The following NPRL3 variants were observed in gnomAD, a reference collection of about 807,000 sequenced individuals.
NPRL3 encodes the protein NPR3 like, GATOR1 complex subunit, also known as GATOR1 complex protein NPRL3.
NPRL3 carries 23 observed loss-of-function variants against 57.2 expected under a neutral mutation model. That is an observed-to-expected ratio of 0.40 (90% CI 0.29 to 0.57). NPRL3 has a LOEUF of 0.57. NPRL3 is among the 20% of genes least tolerant of loss of function. The pLI is 0.42. For synonymous variants in NPRL3, 333 were observed against 321.1 expected, an observed-to-expected ratio of 1.04 and a Z score of -0.39; for missense variants, 691 against 767.1, an observed-to-expected ratio of 0.90 and a Z score of 1.17.
intron 12 of NPRL3, 92 bp downstream of exon 12, chr16:89,605 GCTGTGTGGAGGCCCCT>G: frequency 9.5e-7 from 1 of 1,054,632 alleles, no homozygotes; most frequent in East Asian, 3.0e-5. Context: ...TGCGTGTGCA[GCTGTGTGGAGGCCCCT>G]CATCACTCAC....
rs575547566 is a variant in NPRL3 at position 86,029 on chromosome 16, C to T, written c.*676G>A. Reference sequence around the variant, plus strand: ...GGGTCCTGCACAGTGGGCCATGCCTCCACCAGCAAGATGTGCACAGGTGAC... The same window carrying T: ...GGGTCCTGCACAGTGGGCCATGCCTTCACCAGCAAGATGTGCACAGGTGAC... On this transcript the variant is annotated 3_prime_UTR_variant, in exon 14 of 14. Coordinates refer to ENST00000611875, the MANE Select transcript of NPRL3 (RefSeq NM_001077350.3). 3.4e-4 allele frequency: 131 copies of T among 386,778 alleles called. No individual in the cohort carries two copies. The highest frequency in any genetic ancestry group is 5.2e-4 in the Non-Finnish European group (116 of 221,532). 24.0% of individuals were successfully genotyped at this position (386,778 alleles called of 1,614,324 possible).
chr16:101,394 TCAC>T (rs1389759144), intron 7 of NPRL3, among the ~76,000 whole-genome samples: 2 of 152,152 alleles, frequency 1.3e-5, no homozygotes, highest in Non-Finnish European at 2.9e-5. Context: ...TACCAAGTGG[TCAC>T]CACAAGCCAG....
At chr16:123,515 C>A (rs1409293647) in intron 3 of NPRL3, 3 of 471,020 alleles carry the variant, frequency 6.4e-6, no homozygotes, top group Non-Finnish European at 1.3e-5. Flanking sequence ...ACCCTGCAAC[C>A]AATTGCTCAT....
At position 102,953 on chromosome 16, in the gene NPRL3, G is replaced by A. The variant is rs553975910; in HGVS notation, c.630-2444C>T. 7.9e-5 allele frequency among the ~76,000 whole-genome samples: 12 copies of A among 152,178 alleles called. No individual in the cohort carries two copies. The South Asian group carries it at 1.2e-3, about 16-fold the overall frequency. On this transcript the variant is annotated intron_variant, in intron 7 of 13. Transcript: ENST00000611875. ...TCAAACCCTGAGAAATGTCCCAGCCGCTAAGGAATTAAAGATCACACCAGG... is the reference window on the plus strand; with the variant it reads ...TCAAACCCTGAGAAATGTCCCAGCCACTAAGGAATTAAAGATCACACCAGG...
In NPRL3 at chr16:138,222, C is replaced by A; in HGVS notation, c.46G>T (p.Gly16Trp). Reference sequence around the variant, plus strand: ...AACAGCAGCTTATTGCCCCTGCTCCCCGAGCTCACCAGAATCACGCTGATG... The same window carrying A: ...AACAGCAGCTTATTGCCCCTGCTCCACGAGCTCACCAGAATCACGCTGATG... Reference protein sequence around the residue: ...SPISVILVSSGSRGNKLLFRY... With the variant: ...SPISVILVSSWSRGNKLLFRY... The change falls in exon 2 of 14, where the codon GGG (glycine) becomes TGG (tryptophan). Residue 16 changes from glycine to tryptophan, a missense_variant. By Grantham distance (184) the Gly-to-Trp change is radical. Transcript: ENST00000611875. 1 of 1,609,964 alleles carries A rather than the reference C, an allele frequency of 6.2e-7. No homozygotes were observed. Among genetic ancestry groups the A allele is most frequent in the East Asian group, 2.2e-5 (1 of 44,720 alleles).
chr16:95,272 G>A (rs1209407596), intron 9 of NPRL3, among the ~76,000 whole-genome samples: 5 of 146,338 alleles, frequency 3.4e-5, no homozygotes, highest in Non-Finnish European at 4.5e-5. Context: ...CAATCACAAC[G>A]AATATACAGC....
At chr16:103,420 C>T (rs1038325131) in intron 7 of NPRL3, among the ~76,000 whole-genome samples, 1 of 145,924 alleles carries the variant, frequency 6.9e-6, no homozygotes, top group African/African-American at 2.5e-5. Flanking sequence ...GGATTACAGG[C>T]GTGAGCCACC....
intron 13 of NPRL3, among the ~76,000 whole-genome samples, chr16:88,020 C>T (rs878380): frequency 0.67 from 101,131 of 152,008 alleles, 37,240 homozygotes; most frequent in Non-Finnish European, 0.81. Context: ...TCTCGAGGGC[C>T]GAGTGTGGTT....
chr16:105,683 T>A (rs1409027611), intron 7 of NPRL3, among the ~76,000 whole-genome samples: 1 of 152,202 alleles, frequency 6.6e-6, no homozygotes, highest in African/African-American at 2.4e-5. Flanking sequence ...CTCCATGGAA[T>A]CTACACTGCT....
chr16:112,628 C>T lies in NPRL3; in HGVS notation c.541G>A (p.Ala181Thr), dbSNP rs766774400. The T allele has an allele frequency of 5.7e-6, 9 of 1,583,142 alleles. No individual in the cohort carries two copies. Among genetic ancestry groups the T allele is most frequent in the Non-Finnish European group, 6.0e-6 (7 of 1,162,106 alleles). Reference protein sequence around the residue: ...LALQDEVSAMADGNEGPQSPF... With the variant: ...LALQDEVSAMTDGNEGPQSPF... The stretch of plus-strand genomic sequence containing the variant: ...CACGCCCTGCTGCACTCACCATCAG[C>T]CATGGCGGACACCTCATCCTGGAGC... Residue 181 changes from alanine (A) to threonine (T), a missense_variant, in exon 6 of 14, where the codon GCT becomes ACT. Physicochemically the swap from Ala to Thr is moderately conservative, Grantham distance 58 (BLOSUM62 0). Transcript: ENST00000611875.
intron 11 of NPRL3, 72 bp downstream of exon 11, chr16:92,524 C>G (rs1402731610): frequency 3.2e-6 from 5 of 1,551,092 alleles, no homozygotes; most frequent in Non-Finnish European, 4.4e-6. Context: ...AGATCAGAAC[C>G]AACAGCCAGG....
chr16:134,768 C>G (rs1203059483), intron 2 of NPRL3, among the ~76,000 whole-genome samples: 1 of 133,802 alleles, frequency 7.5e-6, no homozygotes, highest in African/African-American at 2.8e-5. Context: ...GTGGCGCGAT[C>G]TCGGCTCACT....
intron 13 of NPRL3, 58 bp downstream of exon 13, chr16:88,640 C>T: frequency 6.8e-7 from 1 of 1,474,932 alleles, no homozygotes; most frequent in African/African-American, 1.4e-5. Flanking sequence ...CGTCCCTATC[C>T]ACTTTCTGCC....
chr16:112,674 C>T lies in NPRL3; in HGVS notation c.495G>A (p.Arg165=). 4.4e-6 allele frequency: 7 copies of T among 1,608,450 alleles called. No homozygotes were observed. Among genetic ancestry groups the T allele is most frequent in the Non-Finnish European group, 5.9e-6 (7 of 1,177,402 alleles). The change falls in exon 6 of 14, where the codon CGG becomes CGA. Residue 165 remains arginine (R), a synonymous_variant. Coordinates refer to ENST00000611875, the MANE Select transcript of NPRL3 (RefSeq NM_001077350.3). ...HEERRCQYLT[R]EAKLILALQD... The stretch of plus-strand genomic sequence containing the variant: ...GGAGCGCCAGGATCAGCTTGGCCTC[C>T]CGGGTGAGGTACTGGCAGCGGCGCT...
chr16:138,100 G>GAATGAGGCGGCCCCCGC (rs1730672376), intron 2 of NPRL3, 50 bp downstream of exon 2: 3 of 1,451,864 alleles, frequency 2.1e-6, no homozygotes, highest in East Asian at 2.5e-5. Flanking sequence ...GGCGACCCCG[G>GAATGAGGCGGCCCCCGC]AATGAGGCGG....
At chr16:94,788 C>A (rs934963009) in intron 9 of NPRL3, among the ~76,000 whole-genome samples, 1 of 152,130 alleles carries the variant, frequency 6.6e-6, no homozygotes, top group Non-Finnish European at 1.5e-5. Flanking sequence ...CCTCACCCCA[C>A]GTGCCACTCG....
intron 8 of NPRL3, among the ~76,000 whole-genome samples, chr16:99,220 T>C (rs1451587078): frequency 1.3e-5 from 2 of 152,212 alleles, no homozygotes; most frequent in Admixed American, 1.3e-4. Context: ...GGCAGCGCTT[T>C]GCTTTCTGTC....
intron 7 of NPRL3, among the ~76,000 whole-genome samples, chr16:108,223 G>A (rs1040701374): frequency 2.6e-5 from 4 of 152,184 alleles, no homozygotes; most frequent in African/African-American, 9.7e-5. Context: ...CCCGATAGAA[G>A]AATGAACAAG....
At chr16:96,094 C>T (rs1461394191) in intron 9 of NPRL3, among the ~76,000 whole-genome samples, 3 of 152,184 alleles carry the variant, frequency 2.0e-5, no homozygotes, top group Non-Finnish European at 4.4e-5. Flanking sequence ...GTCAAGGCCA[C>T]GGCAGGGAAG....
Sources: allele counts gnomAD v4.1 joint callset (sites outside exome capture counted in the v4.1 genomes callset), GRCh38; gene constraint gnomAD v4.1.1; transcripts MANE v1.5; gene names NCBI Gene and HGNC (gene_info 2026-07-23, HGNC 2026-07-21).